PNKD: variants seen among roughly 807,000 people sequenced by gnomAD.
The protein encoded by PNKD is PNKD metallo-beta-lactamase domain containing.
PNKD carries 36 observed loss-of-function variants against 45.3 expected under a neutral mutation model. The ratio of observed to expected loss-of-function variants is 0.80; its 90% CI spans 0.61 to 1.05. The LOEUF (loss-of-function observed/expected upper bound fraction) is 1.05, where lower values mean the gene tolerates loss of function less well. Ranked by LOEUF, PNKD falls within the 50% of genes least tolerant of loss-of-function variation. The probability of loss-of-function intolerance (pLI) is 0.00; values close to 1 mark genes in which losing one functional copy is unlikely to be tolerated. For synonymous variants in PNKD, 197 were observed against 210.1 expected (o/e 0.94, Z 0.54); for missense variants, 511 against 506.6 (o/e 1.01, Z -0.08).
chr2:218,271,882 T>C (rs1204488953), intron 2 of PNKD, among the ~76,000 whole-genome samples: 3 of 152,140 alleles, frequency 2.0e-5, no homozygotes, highest in Non-Finnish European at 4.4e-5. Flanking sequence ...AGTTGTATAG[T>C]AGTACTCAGA....
chr2:218,344,630 C>G (rs1156400259), intron 9 of PNKD, 60 bp downstream of exon 9: 5 of 1,478,328 alleles, frequency 3.4e-6, no homozygotes, highest in Non-Finnish European at 4.7e-6. Context: ...CAACGGGAAC[C>G]CATCCATGCT....
At chr2:218,277,465 C>G (rs1559501097) in intron 2 of PNKD, 1 of 1,613,894 alleles carries the variant, frequency 6.2e-7, no homozygotes, top group South Asian at 1.1e-5. Flanking sequence ...TGGGGAGAAG[C>G]AGGAGTTACA....
intron 2 of PNKD, chr2:218,275,571 G>A: frequency 6.2e-7 from 1 of 1,614,080 alleles, no homozygotes; most frequent in Non-Finnish European, 8.5e-7. Context: ...CCTCGGGGCT[G>A]ATGGTGTGCT....
chr2:218,274,830 T>A (rs1216534494), intron 2 of PNKD: 2 of 153,590 alleles, frequency 1.3e-5, no homozygotes, highest in Admixed American at 1.3e-4. Flanking sequence ...CTGGCCTGTA[T>A]AGGTTACTTT....
Position 218,321,478 on chromosome 2 carries a change from T to C in PNKD, c.237-18305T>C, listed in dbSNP as rs998894695. Among the ~76,000 whole-genome samples, 39 of 152,164 alleles carry C rather than the reference T, an allele frequency of 2.6e-4. 1 individual carries two copies. Among genetic ancestry groups the C allele is most frequent in the Admixed American group, 2.6e-3 (39 of 15,278 alleles). On this transcript the variant is annotated intron_variant, in intron 2 of 9. Coordinates refer to ENST00000273077, the MANE Select transcript of PNKD (RefSeq NM_015488.5). ...CTCTGTCCCTCAAGATGTACCCACA[T>C]AGAAGAAACTCCAGGTCTGTCTGGG...
chr2:218,288,708 C>T (rs977863926), intron 2 of PNKD, among the ~76,000 whole-genome samples: 1 of 152,140 alleles, frequency 6.6e-6, no homozygotes, highest in African/African-American at 2.4e-5. Flanking sequence ...AATCCATGTG[C>T]TTCTGCCACT....
chr2:218,302,742 G>A (rs940913891), intron 2 of PNKD, among the ~76,000 whole-genome samples: 20 of 152,172 alleles, frequency 1.3e-4, no homozygotes. Flanking sequence ...AAATATGAGC[G>A]ACTATGGCCC....
chr2:218,324,256 G>A (rs1393138351), intron 2 of PNKD, among the ~76,000 whole-genome samples: 1 of 152,062 alleles, frequency 6.6e-6, no homozygotes, highest in Non-Finnish European at 1.5e-5. Flanking sequence ...CTGGCCATGG[G>A]TCAGGACCTC....
intron 2 of PNKD, among the ~76,000 whole-genome samples, chr2:218,273,203 AAAAG>A (rs1690922212): frequency 6.6e-6 from 1 of 152,238 alleles, no homozygotes; most frequent in Non-Finnish European, 1.5e-5. Flanking sequence ...GGAGGCAAAA[AAAAG>A]CACTGCTCTT....
In PNKD at chr2:218,271,076, A is replaced by G. The variant is rs149973076; in HGVS notation, c.68-305A>G. ...CAAAACCTTTTCCCGGATTTCCTTC[A>G]TACGTCTTATGTGAGTCCCACTGCA... On this transcript the variant is annotated intron_variant, in intron 1 of 9. Coordinates refer to ENST00000273077, the MANE Select transcript of PNKD (RefSeq NM_015488.5). 69 of 513,488 alleles carry G rather than the reference A, an allele frequency of 1.3e-4. No homozygotes were observed. The Middle Eastern group carries it at 2.6e-3, about 19-fold the overall frequency. The allele number at this position is 513,488 out of a possible 1,614,324, so 31.8% of individuals were successfully genotyped here.
intron 2 of PNKD, among the ~76,000 whole-genome samples, chr2:218,299,933 T>C (rs899765972): frequency 6.6e-6 from 1 of 151,994 alleles, no homozygotes; most frequent in South Asian, 2.1e-4. Context: ...TTTTTGTAAT[T>C]TTTTGTAAAG....
chr2:218,314,222 C>CCTT (rs764538692), intron 2 of PNKD, among the ~76,000 whole-genome samples: 11 of 67,708 alleles, frequency 1.6e-4, no homozygotes, highest in African/African-American at 7.2e-4. Context: ...CGCGCCCTGG[C>CCTT]TTTTTTTTTT....
At chr2:218,279,681 G>C (rs1691666793) in intron 2 of PNKD, 2 of 489,426 alleles carry the variant, frequency 4.1e-6, no homozygotes, top group Non-Finnish European at 7.4e-6. Context: ...AGATGGAGAG[G>C]GTGGGTTACA....
Position 218,340,836 on chromosome 2 carries a change from C to G in PNKD, c.524+50C>G, listed in dbSNP as rs1296248804. ...CCCACCCTTGTCCCAGCTGGGCTTG[C>G]CAGGACTGGGCCCATTGAGGACGGC... On this transcript the variant is annotated intron_variant, in intron 5 of 9. Coordinates refer to ENST00000273077, the MANE Select transcript of PNKD (RefSeq NM_015488.5). This position sits in a 1 kb window ranked among gnomAD's most constrained non-coding sequence, Gnocchi z 4.2. 1 of 1,500,748 alleles carries G rather than the reference C, an allele frequency of 6.7e-7. No individual in the cohort carries two copies. The highest frequency in any genetic ancestry group is 1.4e-5 in the African/African-American group (1 of 72,562). The allele number at this position is 1,500,748 out of a possible 1,614,324, so 93.0% of individuals were successfully genotyped here. A position where few individuals can be genotyped will look rare whatever the true frequency, so the allele number is the denominator to read the frequency against.
chr2:218,323,449 G>A (rs1415486125), intron 2 of PNKD: 2 of 1,535,930 alleles, frequency 1.3e-6, no homozygotes, highest in Admixed American at 1.9e-5. Context: ...CCCGGGCTCC[G>A]AAGCGTGCGG....
rs1694149315 is a variant in PNKD, at chr2:218,326,102, G to C, written c.237-13681G>C. Among the ~76,000 whole-genome samples the C allele has an allele frequency of 6.6e-6, 1 of 151,976 alleles. No individual in the cohort carries two copies. ...GAATGGGACAGGACATGATGGGGAG[G>C]GGGAGGGCACATGCACTACCAACCT... On this transcript the variant is annotated intron_variant, in intron 2 of 9. Transcript: ENST00000273077. The surrounding 1 kb of genome is among the most constrained non-coding windows in gnomAD (Gnocchi z 4.1).
At chr2:218,324,974 C>G (rs1574703079) in intron 2 of PNKD, among the ~76,000 whole-genome samples, 1 of 142,270 alleles carries the variant, frequency 7.0e-6, no homozygotes. Context: ...AAATCCCAAA[C>G]ATGAAGGTAT....
intron 2 of PNKD, chr2:218,272,981 A>T: frequency 7.3e-7 from 1 of 1,371,544 alleles, no homozygotes; most frequent in Non-Finnish European, 9.6e-7. Flanking sequence ...TTGGGATGGG[A>T]GGGGCAGAGG....
intron 2 of PNKD, among the ~76,000 whole-genome samples, chr2:218,332,621 C>A (rs1446688477): frequency 6.6e-6 from 1 of 152,112 alleles, no homozygotes; most frequent in Admixed American, 6.5e-5. Context: ...GGACTGCAAC[C>A]TGTCCCTAGC....
Sources: gnomAD v4.1 joint callset for allele counts (sites outside exome capture counted in the v4.1 genomes callset) on GRCh38, gnomAD v4.1.1 for gene constraint, Gnocchi (gnomAD v3.1) non-coding constraint, MANE v1.5 for transcripts, NCBI Gene and HGNC (gene_info 2026-07-23, HGNC 2026-07-21) for gene names.